The following MAML2 variants were observed in gnomAD, a reference collection of about 807,000 sequenced individuals.
MAML2 encodes the protein mastermind like transcriptional coactivator 2, also known as mastermind-like protein 2.
Under a neutral mutation model 96.1 loss-of-function variants are expected in MAML2, and 22 were observed. The ratio of observed to expected loss-of-function variants is 0.23; its 90% CI spans 0.16 to 0.33. The LOEUF is 0.33. Among genes scored for constraint, MAML2 ranks in the 10% least tolerant of loss-of-function variants. The pLI is 1.00. For synonymous variants in MAML2, 561 were observed against 521.3 expected, an observed-to-expected ratio of 1.08 and a Z score of -1.04; for missense variants, 1,367 against 1,392.4, an observed-to-expected ratio of 0.98 and a Z score of 0.29.
intron 2 of MAML2, among the ~76,000 whole-genome samples, chr11:96,029,166 T>G (rs980359535): frequency 3.8e-4 from 7 of 18,476 alleles, no homozygotes; most frequent in African/African-American, 2.0e-3. Context: ...GTGAAACGGT[T>G]TTTTTTTTTT....
intron 3 of MAML2, among the ~76,000 whole-genome samples, chr11:95,986,598 T>G (rs374816094): frequency 6.6e-6 from 1 of 152,180 alleles, no homozygotes; most frequent in Non-Finnish European, 1.5e-5. Context: ...ATTTTATCTC[T>G]TTTTTACCTT....
chr11:96,029,698 C>T (rs967099765), intron 2 of MAML2, among the ~76,000 whole-genome samples: 1 of 152,164 alleles, frequency 6.6e-6, no homozygotes, highest in Non-Finnish European at 1.5e-5. Flanking sequence ...TGGAAACTCC[C>T]ACCATTTGTC....
Position 96,342,017 on chromosome 11 carries a change from G to A in MAML2, c.-122C>T, listed in dbSNP as rs1864003516. ...CAGTGTTCAGGGCCACATGAATAGAGGTCTTCAGAGGTTGTGGGGGAGCCG... is the reference window on the plus strand; with the variant it reads ...CAGTGTTCAGGGCCACATGAATAGAAGTCTTCAGAGGTTGTGGGGGAGCCG... On this transcript the variant is annotated 5_prime_UTR_variant, in exon 1 of 5. Coordinates refer to ENST00000524717, the MANE Select transcript of MAML2 (RefSeq NM_032427.4). 2 of 934,686 alleles carry A rather than the reference G, an allele frequency of 2.1e-6. No homozygotes were observed. Among genetic ancestry groups the A allele is most frequent in the Non-Finnish European group, 3.1e-6 (2 of 646,094 alleles). 57.9% of individuals were successfully genotyped at this position (934,686 alleles called of 1,614,324 possible). A position where few individuals can be genotyped will look rare whatever the true frequency, so the allele number is the denominator to read the frequency against.
intron 3 of MAML2, among the ~76,000 whole-genome samples, chr11:95,991,019 A>G (rs1857901333): frequency 6.6e-6 from 1 of 152,174 alleles, no homozygotes; most frequent in South Asian, 2.1e-4. Flanking sequence ...CCTAATATAT[A>G]CAGTGCAAAT....
At chr11:95,983,182 G>A (rs950203040) in intron 4 of MAML2, among the ~76,000 whole-genome samples, 4 of 152,114 alleles carry the variant, frequency 2.6e-5, no homozygotes, top group Non-Finnish European at 4.4e-5. Context: ...GTCAAGATGT[G>A]GTGGATGACA....
intron 1 of MAML2, among the ~76,000 whole-genome samples, chr11:96,259,656 T>C (rs1375658498): frequency 2.0e-5 from 3 of 152,212 alleles, no homozygotes; most frequent in Admixed American, 6.5e-5. Context: ...ATATGACTCA[T>C]AGGATTCCTC....
intron 1 of MAML2, among the ~76,000 whole-genome samples, chr11:96,154,130 C>G (rs1860972680): frequency 6.6e-6 from 1 of 152,092 alleles, no homozygotes; most frequent in Non-Finnish European, 1.5e-5. Context: ...AACAAAGCTT[C>G]TCAAACTGAA....
chr11:96,163,910 G>C (rs979534356), intron 1 of MAML2, among the ~76,000 whole-genome samples: 1 of 150,082 alleles, frequency 6.7e-6, no homozygotes, highest in African/African-American at 2.5e-5. Context: ...TTGCCCATGC[G>C]GGAGTGCAAT....
At chr11:96,126,315 T>C (rs1860436478) in intron 1 of MAML2, among the ~76,000 whole-genome samples, 1 of 152,198 alleles carries the variant, frequency 6.6e-6, no homozygotes, top group Non-Finnish European at 1.5e-5. Context: ...TCCAGCACTT[T>C]GGAAGGCTGA....
chr11:96,107,722 T>C (rs946989378), intron 1 of MAML2, among the ~76,000 whole-genome samples: 4 of 152,142 alleles, frequency 2.6e-5, no homozygotes, highest in Non-Finnish European at 4.4e-5. Context: ...AAAGGTTGCG[T>C]TGATCACCGG....
intron 2 of MAML2, among the ~76,000 whole-genome samples, chr11:96,058,094 A>G (rs1859097453): frequency 6.6e-6 from 1 of 152,248 alleles, no homozygotes; most frequent in African/African-American, 2.4e-5. Context: ...TAGAGTATCC[A>G]CATGGTTTTA....
intron 1 of MAML2, among the ~76,000 whole-genome samples, chr11:96,300,953 G>A (rs1555037321): frequency 6.6e-6 from 1 of 152,176 alleles, no homozygotes; most frequent in African/African-American, 2.4e-5. Flanking sequence ...TGTACAATGA[G>A]AATAAATAGT....
chr11:96,092,750 C>A lies in MAML2; in HGVS notation c.1281G>T (p.Trp427Cys). Residue 427 changes from tryptophan to cysteine, a missense_variant, in exon 2 of 5, where the codon TGG becomes TGT. Physicochemically the swap from Trp to Cys is radical, Grantham distance 215 (BLOSUM62 -2). Transcript: ENST00000524717. The surrounding 1 kb of genome is among the most constrained non-coding windows in gnomAD (Gnocchi z 4.1). ...GSGASRALPS[W>C]QEVSHAQQLK... is the part of the protein sequence containing the mutation. Reference sequence around the variant, plus strand: ...GCTGCTGGGCATGGGATACTTCCTGCCAGCTTGGCAAGGCCCGGCTTGCTC... The same window carrying A: ...GCTGCTGGGCATGGGATACTTCCTGACAGCTTGGCAAGGCCCGGCTTGCTC... 1 of 1,613,784 alleles carries A rather than the reference C, an allele frequency of 6.2e-7. No individual in the cohort carries two copies. The highest frequency in any genetic ancestry group is 8.5e-7 in the Non-Finnish European group (1 of 1,179,780).
Position 95,978,090 on chromosome 11 carries a change from C to T in MAML2, c.*858G>A, listed in dbSNP as rs1003167963. ...GCATCAATCATAATAAGCAACATCCCAGGTTATTTGTAGCCAAATAAATCT... is the reference window on the plus strand; with the variant it reads ...GCATCAATCATAATAAGCAACATCCTAGGTTATTTGTAGCCAAATAAATCT... On this transcript the variant is annotated 3_prime_UTR_variant, in exon 5 of 5. Coordinates refer to ENST00000524717, the MANE Select transcript of MAML2 (RefSeq NM_032427.4). 4.6e-6 allele frequency: 1 copy of T among 217,384 alleles called. No homozygotes were observed. Among genetic ancestry groups the T allele is most frequent in the African/African-American group, 2.2e-5 (1 of 44,484 alleles). 13.5% of individuals were successfully genotyped at this position (217,384 alleles called of 1,614,324 possible). A position where few individuals can be genotyped will look rare whatever the true frequency, so the allele number is the denominator to read the frequency against.
intron 2 of MAML2, among the ~76,000 whole-genome samples, chr11:96,002,185 G>C (rs1056307254): frequency 5.9e-5 from 9 of 152,252 alleles, no homozygotes; most frequent in Admixed American, 2.0e-4. Flanking sequence ...TGCTTTGAAG[G>C]CTGGGACATG....
intron 2 of MAML2, among the ~76,000 whole-genome samples, chr11:95,998,358 C>A (rs1417657091): frequency 6.6e-6 from 1 of 152,146 alleles, no homozygotes; most frequent in Non-Finnish European, 1.5e-5. Flanking sequence ...GAACTCCAAG[C>A]TGCTATTCTT....
chr11:96,037,202 C>CAA (rs756374053), intron 2 of MAML2, among the ~76,000 whole-genome samples: 8 of 144,526 alleles, frequency 5.5e-5, no homozygotes, highest in African/African-American at 1.5e-4. Flanking sequence ...AAAACAACAA[C>CAA]AACAAAAAAA....
intron 2 of MAML2, among the ~76,000 whole-genome samples, chr11:96,078,857 C>T (rs1020162231): frequency 6.6e-6 from 1 of 152,228 alleles, no homozygotes; most frequent in Admixed American, 6.5e-5. Flanking sequence ...TATGTCTCTA[C>T]TCTTTGTGCT....
chr11:96,284,296 C>A (rs1863110468), intron 1 of MAML2, among the ~76,000 whole-genome samples: 1 of 152,186 alleles, frequency 6.6e-6, no homozygotes, highest in African/African-American at 2.4e-5. Context: ...TCCAGAGGTG[C>A]AGGTCCATAT....
Sources: allele counts gnomAD v4.1 joint callset (sites outside exome capture counted in the v4.1 genomes callset), GRCh38; gene constraint gnomAD v4.1.1; non-coding constraint Gnocchi (gnomAD v3.1); transcripts MANE v1.5; gene names NCBI Gene and HGNC (gene_info 2026-07-23, HGNC 2026-07-21).